Variants in RBFOX1 observed in about 807,000 individuals in gnomAD.
RBFOX1 encodes RNA binding protein fox-1 homolog 1.
Under a neutral mutation model 57.7 loss-of-function variants are expected in RBFOX1, and 8 were observed. The observed-to-expected ratio is 0.14, with a 90% CI of 0.08 to 0.25. The LOEUF (loss-of-function observed/expected upper bound fraction) is 0.25, where lower values mean the gene tolerates loss of function less well. Among genes scored for constraint, RBFOX1 ranks in the 10% least tolerant of loss-of-function variants. The pLI is 1.00. For synonymous variants in RBFOX1, 326 were observed against 222.4 expected, an observed-to-expected ratio of 1.47 and a Z score of -4.15; for missense variants, 611 against 548.5, an observed-to-expected ratio of 1.11 and a Z score of -1.14.
intron 2 of RBFOX1, among the ~76,000 whole-genome samples, chr16:5,476,002 G>A (rs2069308544): frequency 1.3e-5 from 2 of 152,044 alleles, no homozygotes; most frequent in Non-Finnish European, 2.9e-5. Flanking sequence ...AGTGTACGTG[G>A]CTTTGAAAAA....
chr16:6,909,267 C>T (rs565091020), intron 3 of RBFOX1, among the ~76,000 whole-genome samples: 6 of 152,270 alleles, frequency 3.9e-5, no homozygotes, highest in African/African-American at 1.4e-4. Flanking sequence ...TCAAAGCCAG[C>T]ATTGTGGCCT....
chr16:7,675,117 G>A (rs2072876623), intron 13 of RBFOX1, among the ~76,000 whole-genome samples: 1 of 152,150 alleles, frequency 6.6e-6, no homozygotes, highest in Admixed American at 6.6e-5. Context: ...ACCTCATTAA[G>A]TTTAATGTAT....
intron 1 of RBFOX1, among the ~76,000 whole-genome samples, chr16:6,135,913 G>C (rs1213420314): frequency 6.8e-6 from 1 of 147,642 alleles, no homozygotes; most frequent in Admixed American, 6.9e-5. Flanking sequence ...TCCTGCCTCA[G>C]CCTCCCCAGT....
chr16:6,177,236 G>A (rs1192533153), intron 1 of RBFOX1, among the ~76,000 whole-genome samples: 4 of 142,182 alleles, frequency 2.8e-5, no homozygotes, highest in Non-Finnish European at 6.0e-5. Flanking sequence ...CTTGCCCTCT[G>A]CCACCATCCC....
intron 4 of RBFOX1, among the ~76,000 whole-genome samples, chr16:7,200,031 G>T (rs191901041): frequency 5.4e-4 from 83 of 152,340 alleles, no homozygotes; most frequent in Non-Finnish European, 1.5e-5. Context: ...CATAGAGCCA[G>T]ATTTCTGGGA....
At chr16:5,989,568 C>G (rs1485207196) in intron 4 of RBFOX1, among the ~76,000 whole-genome samples, 5 of 152,016 alleles carry the variant, frequency 3.3e-5, no homozygotes, top group Non-Finnish European at 4.4e-5. Flanking sequence ...TCAGCAAGGG[C>G]TCGCCGACCT....
intron 1 of RBFOX1, among the ~76,000 whole-genome samples, chr16:6,032,405 C>T (rs536911976): frequency 3.9e-5 from 6 of 152,244 alleles, no homozygotes; most frequent in South Asian, 4.2e-4. Context: ...TTATTCATTC[C>T]GTAGCACTCC....
At chr16:6,379,440 G>C (rs2091559776) in intron 2 of RBFOX1, among the ~76,000 whole-genome samples, 1 of 152,024 alleles carries the variant, frequency 6.6e-6, no homozygotes, top group Admixed American at 6.5e-5. Flanking sequence ...ACTTGTCTCA[G>C]TGAACTATAT....
rs376510595 is a variant in RBFOX1 at position 6,166,593 on chromosome 16, A to G, written c.-127+146601A>G. Among the ~76,000 whole-genome samples the G allele has an allele frequency of 2.6e-5, 4 of 152,208 alleles. No individual in the cohort carries two copies. The East Asian group carries it at 7.7e-4, about 29-fold the overall frequency. On this transcript the variant is annotated intron_variant, in intron 1 of 15. Coordinates refer to ENST00000550418, the MANE Select transcript of RBFOX1 (RefSeq NM_018723.4). Reference sequence around the variant, plus strand: ...CCTGAGACTCCAAACCTCTGTCTTCATCACTGCCTTTGTTTTCAGGAAAAG... The same window carrying G: ...CCTGAGACTCCAAACCTCTGTCTTCGTCACTGCCTTTGTTTTCAGGAAAAG...
At chr16:6,554,820 A>T (rs1195036104) in intron 2 of RBFOX1, among the ~76,000 whole-genome samples, 3 of 150,858 alleles carry the variant, frequency 2.0e-5, no homozygotes, top group Non-Finnish European at 2.9e-5. Flanking sequence ...ACACAGACAC[A>T]CAGACACACA....
chr16:7,304,476 C>T, intron 4 of RBFOX1: 1 of 985,294 alleles, frequency 1.0e-6, no homozygotes, highest in Non-Finnish European at 1.2e-6. Context: ...CTTTTATGTA[C>T]TTACAGCAGG....
intron 3 of RBFOX1, among the ~76,000 whole-genome samples, chr16:5,675,024 C>T (rs1349681049): frequency 6.6e-6 from 1 of 152,074 alleles, no homozygotes; most frequent in Admixed American, 6.5e-5. Flanking sequence ...TGGTGTATGC[C>T]TGTAGTTCCA....
At chr16:6,016,144 A>G (rs754625413), upstream of RBFOX1, among the ~76,000 whole-genome samples, 27 of 152,220 alleles carry the variant, frequency 1.8e-4, no homozygotes, top group Non-Finnish European at 3.2e-4. Context: ...TCTTTGATGT[A>G]AAGACCTTTT....
intron 1 of RBFOX1, among the ~76,000 whole-genome samples, chr16:6,227,790 A>G (rs746955951): frequency 2.0e-5 from 3 of 152,248 alleles, no homozygotes; most frequent in South Asian, 2.1e-4. Context: ...GTTACTAACT[A>G]TAGAAATCCT....
At chr16:6,256,213 ATATATATG>A (rs1567788287) in intron 1 of RBFOX1, among the ~76,000 whole-genome samples, 1,156 of 67,090 alleles carry the variant, frequency 0.017, 62 homozygotes, top group African/African-American at 0.056. Flanking sequence ...GTATATGTGT[ATATATATG>A]TATATATATA....
chr16:5,516,468 G>A (rs1260947087), intron 2 of RBFOX1, among the ~76,000 whole-genome samples: 3 of 152,028 alleles, frequency 2.0e-5, no homozygotes, highest in Admixed American at 6.6e-5. Flanking sequence ...CTAAGTCTTG[G>A]TTTCTGTATT....
At chr16:6,257,082 T>G (rs752557034) in intron 1 of RBFOX1, among the ~76,000 whole-genome samples, 1 of 152,170 alleles carries the variant, frequency 6.6e-6, no homozygotes, top group African/African-American at 2.4e-5. Flanking sequence ...TTTTATTTAT[T>G]GAATGATTTG....
intron 3 of RBFOX1, among the ~76,000 whole-genome samples, chr16:6,754,766 C>G (rs191604780): frequency 2.0e-5 from 3 of 152,054 alleles, no homozygotes; most frequent in African/African-American, 7.2e-5. Context: ...AGGTTAGTTA[C>G]ATATGTATAC....
intron 4 of RBFOX1, among the ~76,000 whole-genome samples, chr16:7,270,917 A>G (rs1463616465): frequency 1.3e-5 from 2 of 152,060 alleles, no homozygotes; most frequent in Non-Finnish European, 2.9e-5. Flanking sequence ...CCTTTCCATC[A>G]TGGTTAGGAA....
Sources: gnomAD v4.1 joint callset for allele counts (sites outside exome capture counted in the v4.1 genomes callset) on GRCh38, gnomAD v4.1.1 for gene constraint, MANE v1.5 for transcripts, NCBI Gene and HGNC (gene_info 2026-07-23, HGNC 2026-07-21) for gene names.